Variants in CARMIL2 observed in about 807,000 individuals in gnomAD.
CARMIL2 encodes the protein capping protein, Arp2/3 and myosin-I linker protein 2.
Under a neutral mutation model 173.3 loss-of-function variants are expected in CARMIL2, and 96 were observed. That is an observed-to-expected ratio of 0.55 (90% confidence interval 0.47 to 0.66). CARMIL2 has a LOEUF of 0.66. CARMIL2 is among the 30% of genes least tolerant of loss of function. CARMIL2 has a pLI of 0.00. For missense variants in CARMIL2, 1,771 were observed against 1,906.7 expected, an observed-to-expected ratio of 0.93 and a Z score of 1.33; for synonymous variants, 830 against 817.1, an observed-to-expected ratio of 1.02 and a Z score of -0.27.
Position 67,657,125 on chromosome 16 carries a change from G to T in CARMIL2, c.4118-114G>T. On this transcript the variant is annotated intron_variant, in intron 36 of 37. Coordinates refer to ENST00000334583, the MANE Select transcript of CARMIL2 (RefSeq NM_001013838.3). This position sits in a 1 kb window ranked among gnomAD's most constrained non-coding sequence, Gnocchi z 4.5. ...ACGCAGGGACGGGGGATGCTCTGAA[G>T]GCAGCAGTGTGTGTGAGTGCATGCT... 1.0e-6 allele frequency: 1 copy of T among 979,682 alleles called. No individual in the cohort carries two copies. Among genetic ancestry groups the T allele is most frequent in the South Asian group, 1.5e-5 (1 of 66,670 alleles). 60.7% of individuals were successfully genotyped at this position (979,682 alleles called of 1,614,324 possible). A position where few individuals can be genotyped will look rare whatever the true frequency, so the allele number is the denominator to read the frequency against.
chr16:67,657,192 G>C lies in CARMIL2; in HGVS notation c.4118-47G>C, dbSNP rs1646022767. The C allele has an allele frequency of 1.3e-6, 2 of 1,554,572 alleles. No individual in the cohort carries two copies. Among genetic ancestry groups the C allele is most frequent in the Admixed American group, 3.4e-5 (2 of 58,104 alleles). On this transcript the variant is annotated intron_variant, in intron 36 of 37. Transcript: ENST00000334583. The surrounding 1 kb of genome is among the most constrained non-coding windows in gnomAD (Gnocchi z 4.5). The stretch of plus-strand genomic sequence containing the variant: ...GGAAGAGAGGGGCAGGGGATGGACA[G>C]ACCCCAAGCCTTAGCAACCCACCCC...
rs1301391020 is a variant in CARMIL2 at position 67,657,490 on chromosome 16, A to G, written c.4280A>G (p.Asp1427Gly). 5.0e-6 allele frequency: 8 copies of G among 1,612,858 alleles called. No homozygotes were observed. Among genetic ancestry groups the G allele is most frequent in the Non-Finnish European group, 6.8e-6 (8 of 1,179,418 alleles). ...CGGAGCCCACCCTCCCCAGCCACAGACCAAAGAGGCGGCGGCCCCAATCCC... is the reference window on the plus strand; with the variant it reads ...CGGAGCCCACCCTCCCCAGCCACAGGCCAAAGAGGCGGCGGCCCCAATCCC... ...PERSPPSPATDQRGGGPNP is the reference protein window; with the variant it reads ...PERSPPSPATGQRGGGPNP Residue 1427 changes from aspartate (D) to glycine (G), a missense_variant, in exon 38 of 38, where the codon GAC becomes GGC. Physicochemically the swap from Asp to Gly is moderately conservative, Grantham distance 94 (BLOSUM62 -1). Transcript: ENST00000334583. The surrounding 1 kb of genome is among the most constrained non-coding windows in gnomAD (Gnocchi z 4.5).
Position 67,646,181 on chromosome 16 carries a change from C to A in CARMIL2, c.250-5C>A, listed in dbSNP as rs749920761. ...AGCCGAGGCCTAGTAGTGCCCCTTC[C>A]CTAGGTCACCTTTGAGCTGGAGTCC... On this transcript the variant is annotated splice_polypyrimidine_tract_variant and splice_region_variant and intron_variant, in intron 4 of 37. Coordinates refer to ENST00000334583, the MANE Select transcript of CARMIL2 (RefSeq NM_001013838.3). This position sits in a 1 kb window ranked among gnomAD's most constrained non-coding sequence, Gnocchi z 4.6. 6.2e-7 allele frequency: 1 copy of A among 1,613,772 alleles called. No homozygotes were observed. Among genetic ancestry groups the A allele is most frequent in the Admixed American group, 1.7e-5 (1 of 60,014 alleles).
At position 67,647,890 on chromosome 16, in the gene CARMIL2, G is replaced by A. The variant is rs760848421; in HGVS notation, c.1003G>A (p.Asp335Asn). Residue 335 changes from aspartate (D) to asparagine (N), a missense_variant, in exon 13 of 38, where the codon GAC becomes AAC. Asp to Asn is a conservative substitution (Grantham distance 23). Transcript: ENST00000334583. ...GRALATNAAF[D>N]STLTHLDLSG... ...GGCACTGGCCACCAATGCCGCCTTC[G>A]ACTCCACCCTGACCCACCTGGACCT... 4.3e-6 allele frequency: 7 copies of A among 1,611,446 alleles called. No individual in the cohort carries two copies. The highest frequency in any genetic ancestry group is 1.1e-5 in the South Asian group (1 of 90,738).
Position 67,647,102 on chromosome 16 carries a change from C to T in CARMIL2, c.612-14C>T, listed in dbSNP as rs142752637. 6.2e-7 allele frequency: 1 copy of T among 1,613,500 alleles called. No individual in the cohort carries two copies. The highest frequency in any genetic ancestry group is 1.7e-5 in the Admixed American group (1 of 59,988). ...GGGCCCTGAGCTCTGCCTCTGTTCC[C>T]ACCCTCCCACCAGGGACCTGGCCTT... On this transcript the variant is annotated splice_polypyrimidine_tract_variant and intron_variant, in intron 8 of 37. Transcript: ENST00000334583.
Position 67,645,266 on chromosome 16 carries a change from G to A in CARMIL2, c.20G>A (p.Gly7Asp). 1.9e-6 allele frequency: 3 copies of A among 1,602,898 alleles called. No homozygotes were observed. Among genetic ancestry groups the A allele is most frequent in the South Asian group, 1.1e-5 (1 of 89,092 alleles). The change falls in exon 1 of 38, where the codon GGC becomes GAC. Residue 7 changes from glycine (G) to aspartate (D), a missense_variant. This residue lies in a region of CARMIL2 where 944 missense variants were observed against 975.6 expected (regional missense o/e 0.97). Coordinates refer to ENST00000334583, the MANE Select transcript of CARMIL2 (RefSeq NM_001013838.3). MAQTPD[G>D]ISCELRGEIT... is the part of the protein sequence containing the mutation. ...CGGCCCATGGCCCAGACCCCCGACGGCATCTCCTGTGAGCTCCGAGGTAAG... is the reference window on the plus strand; with the variant it reads ...CGGCCCATGGCCCAGACCCCCGACGACATCTCCTGTGAGCTCCGAGGTAAG...
intron 30 of CARMIL2, 37 bp downstream of exon 30, chr16:67,654,286 G>A: frequency 1.3e-6 from 2 of 1,575,894 alleles, no homozygotes; most frequent in South Asian, 1.2e-5. Context: ...GGGAGAGGGT[G>A]GGATGCCTGA....
In CARMIL2 at chr16:67,649,687, G is replaced by C; in HGVS notation, c.1919+68G>C. On this transcript the variant is annotated intron_variant, in intron 20 of 37. Transcript: ENST00000334583. This position sits in a 1 kb window ranked among gnomAD's most constrained non-coding sequence, Gnocchi z 6.7. ...GGTGGAGAGGAGGGCACCGGGCTAA[G>C]GGGAGGGACTGAATGAGGCGGAGCA... 14 of 1,560,486 alleles carry C rather than the reference G, an allele frequency of 9.0e-6. No homozygotes were observed. Among genetic ancestry groups the C allele is most frequent in the Non-Finnish European group, 1.2e-5 (14 of 1,155,444 alleles).
In CARMIL2 at chr16:67,654,707, TG is replaced by T. The variant is rs761240189; in HGVS notation, c.3582+21del. 9 of 1,600,038 alleles carry T rather than the reference TG, an allele frequency of 5.6e-6. No homozygotes were observed. In the African/African-American group the frequency reaches 8.0e-5, roughly 14 times the overall value. On this transcript the variant is annotated intron_variant, in intron 31 of 37. Coordinates refer to ENST00000334583, the MANE Select transcript of CARMIL2 (RefSeq NM_001013838.3). ...GACCCGACAAGGTGAGGCTTGCTGATGGGGGGTGGTGAAGGCGCTTCTGGGA... is the reference window on the plus strand; with the variant it reads ...GACCCGACAAGGTGAGGCTTGCTGATGGGGGTGGTGAAGGCGCTTCTGGGA...
chr16:67,649,379 C>T lies in CARMIL2; in HGVS notation c.1746+68C>T, dbSNP rs2052670357. On this transcript the variant is annotated intron_variant, in intron 19 of 37. Coordinates refer to ENST00000334583, the MANE Select transcript of CARMIL2 (RefSeq NM_001013838.3). The surrounding 1 kb of genome is among the most constrained non-coding windows in gnomAD (Gnocchi z 6.7). ...CTTTGGTCCTCCTTTCTCTTGTTCC[C>T]TCAGACCCTGTGACCTGCCCTCACT... 5.0e-6 allele frequency: 8 copies of T among 1,609,564 alleles called. No individual in the cohort carries two copies. In the Admixed American group the frequency reaches 6.7e-5, roughly 13 times the overall value.
At position 67,648,763 on chromosome 16, in the gene CARMIL2, C is replaced by T. The variant is rs779951072; in HGVS notation, c.1509+9C>T. The T allele has an allele frequency of 6.3e-7, 1 of 1,597,054 alleles. No homozygotes were observed. Among genetic ancestry groups the T allele is most frequent in the Non-Finnish European group, 8.5e-7 (1 of 1,172,486 alleles). ...ACCTCAGCGCTTGCGAGGTGAGCGC[C>T]GGCCCCCAGAAGAGACCACACATTG... is the stretch of plus-strand genomic sequence containing the variant. On this transcript the variant is annotated intron_variant, in intron 16 of 37. Coordinates refer to ENST00000334583, the MANE Select transcript of CARMIL2 (RefSeq NM_001013838.3). This position sits in a 1 kb window ranked among gnomAD's most constrained non-coding sequence, Gnocchi z 6.1.
At position 67,656,453 on chromosome 16, in the gene CARMIL2, CA is replaced by C. The variant is rs1433697084; in HGVS notation, c.3845del (p.Gln1282ArgfsTer15). Reference sequence around the variant, plus strand: ...TTCCTGCAGACCTGGCCCAGGGAGCCAGGGGCCTGAGTCTGCCACCTGGAAG... The same window carrying C: ...TTCCTGCAGACCTGGCCCAGGGAGCCGGGGCCTGAGTCTGCCACCTGGAAG... ...DPSCRPGPGS[Q>X]GPESATWKTL... On this transcript the variant is annotated frameshift_variant, in exon 35 of 38. Transcript: ENST00000334583. LOFTEE classifies it high-confidence loss of function. 6.2e-7 allele frequency: 1 copy of C among 1,610,606 alleles called. No homozygotes were observed. Among genetic ancestry groups the C allele is most frequent in the Non-Finnish European group, 8.5e-7 (1 of 1,178,116 alleles).
In CARMIL2 at chr16:67,649,191, C is replaced by T. The variant is rs753355437; in HGVS notation, c.1688+19C>T. 2 of 1,612,942 alleles carry T rather than the reference C, an allele frequency of 1.2e-6. No homozygotes were observed. Among genetic ancestry groups the T allele is most frequent in the East Asian group, 2.2e-5 (1 of 44,856 alleles). ...GGTGCAAGTGAGCCCCCACCCTACTCCTGGGCCTCCCAGACAACACCCCAC... is the reference window on the plus strand; with the variant it reads ...GGTGCAAGTGAGCCCCCACCCTACTTCTGGGCCTCCCAGACAACACCCCAC... On this transcript the variant is annotated intron_variant, in intron 18 of 37. Transcript: ENST00000334583. This position sits in a 1 kb window ranked among gnomAD's most constrained non-coding sequence, Gnocchi z 6.7.
At chr16:67,645,934 C>T in intron 3 of CARMIL2, 84 bp from the exon 4 acceptor site, 1 of 1,580,182 alleles carries the variant, frequency 6.3e-7, no homozygotes, top group Non-Finnish European at 8.7e-7. Context: ...GCAGATCTGG[C>T]TCTGCCCCAG....
Position 67,652,430 on chromosome 16 carries a change from G to C in CARMIL2, c.2818-42G>C. Reference sequence around the variant, plus strand: ...GGTGAAAGGCAGCTCTTTTGGGTTGGTGCTCTCCTACCCCAGGCTGAGTTT... The same window carrying C: ...GGTGAAAGGCAGCTCTTTTGGGTTGCTGCTCTCCTACCCCAGGCTGAGTTT... On this transcript the variant is annotated intron_variant, in intron 27 of 37. Coordinates refer to ENST00000334583, the MANE Select transcript of CARMIL2 (RefSeq NM_001013838.3). This position sits in a 1 kb window ranked among gnomAD's most constrained non-coding sequence, Gnocchi z 4.7. 6.2e-7 allele frequency: 1 copy of C among 1,612,130 alleles called. No individual in the cohort carries two copies. Among genetic ancestry groups the C allele is most frequent in the Non-Finnish European group, 8.5e-7 (1 of 1,179,058 alleles).
chr16:67,645,899 G>A (rs1238357400), intron 3 of CARMIL2, 119 bp from the exon 4 acceptor site: 3 of 1,556,388 alleles, frequency 1.9e-6, no homozygotes, highest in Non-Finnish European at 2.6e-6. Flanking sequence ...CTGGGCTCTG[G>A]GCAGCCGACA....
At chr16:67,656,000 G>T (rs372184455) in intron 32 of CARMIL2, 31 bp from the exon 33 acceptor site, 1 of 1,571,008 alleles carries the variant, frequency 6.4e-7, no homozygotes, top group Non-Finnish European at 8.6e-7. Flanking sequence ...GAGCGGGCAG[G>T]GCTGGAATCT....
In CARMIL2 at chr16:67,652,119, A is replaced by G. The variant is rs1350174860; in HGVS notation, c.2677-80A>G. The G allele has an allele frequency of 3.1e-6, 5 of 1,598,274 alleles. No homozygotes were observed. The highest frequency in any genetic ancestry group is 4.3e-6 in the Non-Finnish European group (5 of 1,170,618). ...TTCTGGGGTCATGTAGCCCAGGGCT[A>G]TTTCAGGGTCCCCTTAGTTAGCATC... is the stretch of plus-strand genomic sequence containing the variant. On this transcript the variant is annotated intron_variant, in intron 26 of 37. Coordinates refer to ENST00000334583, the MANE Select transcript of CARMIL2 (RefSeq NM_001013838.3). The surrounding 1 kb of genome is among the most constrained non-coding windows in gnomAD (Gnocchi z 4.7).
Position 67,647,163 on chromosome 16 carries a change from G to T in CARMIL2, c.659G>T (p.Arg220Leu), listed in dbSNP as rs568724376. 6.2e-7 allele frequency: 1 copy of T among 1,613,828 alleles called. No individual in the cohort carries two copies. The highest frequency in any genetic ancestry group is 1.1e-5 in the South Asian group (1 of 91,092). The change falls in exon 9 of 38, where the codon CGG becomes CTG. Residue 220 changes from arginine to leucine, a missense_variant. Transcript: ENST00000334583. ...GCCCTGTCCTACAACCTGTGGTTCC[G>T]GTGCCTCTCCTGTGTGGACATGAAG... ...VAALSYNLWFRCLSCVDMKLS... is the reference protein window; with the variant it reads ...VAALSYNLWFLCLSCVDMKLS...
Sources: gnomAD v4.1 joint callset for allele counts on GRCh38, gnomAD v4.1.1 for gene constraint, gnomAD v4.1.1 regional missense constraint, Gnocchi (gnomAD v3.1) non-coding constraint, MANE v1.5 for transcripts, NCBI Gene and HGNC (gene_info 2026-07-23, HGNC 2026-07-21) for gene names.